Variants in LVRN observed in about 807,000 individuals in gnomAD.
LVRN encodes the protein aminopeptidase Q.
A neutral mutation model predicts 111.4 loss-of-function variants in LVRN; 99 were observed. That is an observed-to-expected ratio of 0.89 (90% CI 0.76 to 1.05). The LOEUF is 1.05. LVRN is among the 50% of genes least tolerant of loss of function. The pLI, the probability that LVRN is intolerant of heterozygous loss-of-function variation, is 0.00. For missense variants in LVRN, 1,414 were observed against 1,206.8 expected (o/e 1.17, Z -2.54); for synonymous variants, 488 against 449.5 (o/e 1.09, Z -1.08).
intron 18 of LVRN, among the ~76,000 whole-genome samples, chr5:116,019,033 G>A (rs1330014572): frequency 6.6e-6 from 1 of 152,008 alleles, no homozygotes; most frequent in African/African-American, 2.4e-5. Context: ...GCATCCTTTG[G>A]TGATTTAGTC....
In LVRN at chr5:116,015,733, C is replaced by T; in HGVS notation, c.2724C>T (p.Phe908=). 6.2e-7 allele frequency: 1 copy of T among 1,613,350 alleles called. No homozygotes were observed. Among genetic ancestry groups the T allele is most frequent in the Middle Eastern group, 1.7e-4 (1 of 6,060 alleles). The change falls in exon 18 of 20, where the codon TTC becomes TTT. Residue 908 remains phenylalanine (F), a synonymous_variant. Transcript: ENST00000357872. ...TTGGCCGGTATGTCGCAAAAGACTT[C>T]TTAGTCAACAACTGGCAAGCTGTGA... ...SEVGRYVAKD[F]LVNNWQAVSK... is the part of the protein sequence containing the mutation.
At chr5:116,001,032 A>T in intron 9 of LVRN, 35 bp from the exon 10 acceptor site, 1 of 1,563,500 alleles carries the variant, frequency 6.4e-7, no homozygotes, top group Non-Finnish European at 8.6e-7. Context: ...TTCACGGATA[A>T]CCTTACCTGC....
chr5:116,013,468 G>A (rs375617622), intron 15 of LVRN, among the ~76,000 whole-genome samples: 1 of 152,140 alleles, frequency 6.6e-6, no homozygotes, highest in Admixed American at 6.5e-5. Flanking sequence ...CCCAGGGACA[G>A]TTCTCTTCAG....
intron 2 of LVRN, 70 bp downstream of exon 2, chr5:115,983,499 A>T: frequency 6.8e-7 from 1 of 1,477,424 alleles, no homozygotes; most frequent in Non-Finnish European, 9.0e-7. Flanking sequence ...TTATACCAGT[A>T]GCTTTTCTAG....
In LVRN at chr5:115,962,711, G is replaced by T. The variant is rs1690662155; in HGVS notation, c.94G>T (p.Val32Leu). Residue 32 changes from valine (V) to leucine (L), a missense_variant, in exon 1 of 20, where the codon GTA (valine) becomes TTA (leucine). Transcript: ENST00000357872. ...AGCCGCCCTCCTGCTGGCGCTGGCC[G>T]TACTCGCCGCCTTGTACGGCCACTG... ...LVAALLLALA[V>L]LAALYGHCER... 1 of 1,611,588 alleles carries T rather than the reference G, an allele frequency of 6.2e-7. No individual in the cohort carries two copies. The highest frequency in any genetic ancestry group is 8.5e-7 in the Non-Finnish European group (1 of 1,179,654).
chr5:115,991,820 T>C (rs1245334593), intron 4 of LVRN, among the ~76,000 whole-genome samples: 3 of 152,258 alleles, frequency 2.0e-5, no homozygotes, highest in Non-Finnish European at 2.9e-5. Flanking sequence ...GTGAGGTGTA[T>C]GTTCAGATCT....
intron 5 of LVRN, among the ~76,000 whole-genome samples, chr5:115,992,620 G>A (rs751386367): frequency 4.7e-4 from 71 of 152,128 alleles, no homozygotes; most frequent in Non-Finnish European, 7.9e-4. Context: ...CTATTCAAAA[G>A]GATCACTGAA....
Position 115,982,471 on chromosome 5 carries a change from A to T in LVRN, c.696-816A>T, listed in dbSNP as rs191212509. Among the ~76,000 whole-genome samples, 51 of 152,304 alleles carry T rather than the reference A, an allele frequency of 3.3e-4. 1 individual carries two copies. In the East Asian group the frequency reaches 9.5e-3, roughly 28 times the overall value. ...AGTTGTCATCTAAAGACGGGTTCCC[A>T]GGTAAGCAAGTCTTGGCAAATGGGA... On this transcript the variant is annotated intron_variant, in intron 1 of 19. Transcript: ENST00000357872.
intron 13 of LVRN, among the ~76,000 whole-genome samples, chr5:116,006,604 TCTC>T (rs1748380646): frequency 6.6e-6 from 1 of 152,178 alleles, no homozygotes; most frequent in South Asian, 2.1e-4. Context: ...CAAACCTGGT[TCTC>T]CTCATGTATC....
chr5:115,995,957 T>C (rs1009264162), intron 6 of LVRN, among the ~76,000 whole-genome samples: 1 of 152,036 alleles, frequency 6.6e-6, no homozygotes, highest in African/African-American at 2.4e-5. Flanking sequence ...CGTGTGTGTG[T>C]GTGTGTGTGT....
chr5:115,978,495 C>T (rs892596114), intron 1 of LVRN, among the ~76,000 whole-genome samples: 4 of 152,100 alleles, frequency 2.6e-5, no homozygotes, highest in Non-Finnish European at 5.9e-5. Context: ...CATGAGGACC[C>T]CAGCAGCCTA....
At chr5:115,970,839 C>G (rs1753309225) in intron 1 of LVRN, among the ~76,000 whole-genome samples, 1 of 152,164 alleles carries the variant, frequency 6.6e-6, no homozygotes, top group African/African-American at 2.4e-5. Flanking sequence ...CAGGAATACT[C>G]ATATACAAGT....
chr5:116,003,276 C>A lies in LVRN; in HGVS notation c.1933C>A (p.His645Asn). ...FPEMQVSDSD[H>N]DWVILNLNMT... ...AGAAATGCAAGTTTCAGATTCTGACCATGACTGGGTGATTTTGAATTTGAA... is the reference window on the plus strand; with the variant it reads ...AGAAATGCAAGTTTCAGATTCTGACAATGACTGGGTGATTTTGAATTTGAA... Residue 645 changes from histidine (H) to asparagine (N), a missense_variant, in exon 12 of 20, where the codon CAT becomes AAT. Physicochemically the swap from His to Asn is moderately conservative, Grantham distance 68 (BLOSUM62 1). Transcript: ENST00000357872. 6.3e-7 allele frequency: 1 copy of A among 1,581,414 alleles called. No individual in the cohort carries two copies. The highest frequency in any genetic ancestry group is 8.6e-7 in the Non-Finnish European group (1 of 1,163,298).
rs989716185 is a variant in LVRN at position 116,027,513 on chromosome 5, A to G, written c.*1395A>G. Reference sequence around the variant, plus strand: ...ACGTGGACAAACGAAAGCACAGGCTACTCAGACTTGGCCACAGGTCATAGG... The same window carrying G: ...ACGTGGACAAACGAAAGCACAGGCTGCTCAGACTTGGCCACAGGTCATAGG... On this transcript the variant is annotated 3_prime_UTR_variant, in exon 20 of 20. Coordinates refer to ENST00000357872, the MANE Select transcript of LVRN (RefSeq NM_173800.5). The G allele has an allele frequency of 1.3e-5, 2 of 152,232 alleles. No individual in the cohort carries two copies. Among genetic ancestry groups the G allele is most frequent in the African/African-American group, 2.4e-5 (1 of 41,464 alleles). The allele number at this position is 152,232 out of a possible 1,614,324, so 9.4% of individuals were successfully genotyped here.
At chr5:115,988,055 G>A (rs1747909034) in intron 4 of LVRN, 116 bp downstream of exon 4, 4 of 1,401,082 alleles carry the variant, frequency 2.9e-6, no homozygotes, top group Non-Finnish European at 3.9e-6. Flanking sequence ...TTAGCTGCTG[G>A]TTTGGAGTTA....
At chr5:115,980,848 A>G (rs1387574072) in intron 1 of LVRN, among the ~76,000 whole-genome samples, 2 of 152,270 alleles carry the variant, frequency 1.3e-5, no homozygotes, top group East Asian at 1.9e-4. Flanking sequence ...CCTGAAGGCC[A>G]TGCATGAACC....
At chr5:116,021,579 CTT>C (rs1748730604) in intron 18 of LVRN, 2 of 308,752 alleles carry the variant, frequency 6.5e-6, no homozygotes, top group South Asian at 6.0e-5. Flanking sequence ...AGAGTTAACT[CTT>C]ATCATTTTTA....
Position 115,999,769 on chromosome 5 carries a change from TC to T in LVRN, c.1383del (p.Ser464LeufsTer15). 3 of 1,613,428 alleles carry T rather than the reference TC, an allele frequency of 1.9e-6. No homozygotes were observed. Among genetic ancestry groups the T allele is most frequent in the Non-Finnish European group, 2.5e-6 (3 of 1,179,728 alleles). ...YFNPKLPRNE[I>X]FFSNILHNIL... ...CCATCTTTTCCTTTATAGAATGAGATCTTTTTTTCTAACATTTTACATAATA... is the reference window on the plus strand; with the variant it reads ...CCATCTTTTCCTTTATAGAATGAGATTTTTTTTCTAACATTTTACATAATA... On this transcript the variant is annotated frameshift_variant, in exon 7 of 20. Coordinates refer to ENST00000357872, the MANE Select transcript of LVRN (RefSeq NM_173800.5). LOFTEE classifies it high-confidence loss of function.
In LVRN at chr5:115,983,406, C is replaced by T. The variant is rs1293710521; in HGVS notation, c.815C>T (p.Ala272Val). Residue 272 changes from alanine (A) to valine (V), a missense_variant, in exon 2 of 20, where the codon GCC becomes GTC. By Grantham distance (64) the Ala-to-Val change is moderately conservative (BLOSUM62 0). Coordinates refer to ENST00000357872, the MANE Select transcript of LVRN (RefSeq NM_173800.5). ...ATGATTCATCATCCAAGTTATGTGG[C>T]CCTTTCCAACATGCCAAAGCTAGGT... is the stretch of plus-strand genomic sequence containing the variant. ...ITMIHHPSYV[A>V]LSNMPKLGQS... 3.6e-5 allele frequency: 58 copies of T among 1,605,278 alleles called. No individual in the cohort carries two copies. Among genetic ancestry groups the T allele is most frequent in the Non-Finnish European group, 4.9e-5 (58 of 1,177,416 alleles).
Sources: allele counts gnomAD v4.1 joint callset (sites outside exome capture counted in the v4.1 genomes callset), GRCh38; gene constraint gnomAD v4.1.1; transcripts MANE v1.5; gene names NCBI Gene and HGNC (gene_info 2026-07-23, HGNC 2026-07-21).